Variants in DLC1 observed in about 807,000 individuals in gnomAD.
The protein encoded by DLC1 is DLC1 Rho GTPase activating protein.
DLC1 carries 54 observed loss-of-function variants against 140.3 expected under a neutral mutation model. The ratio of observed to expected loss-of-function variants is 0.38; its 90% CI spans 0.31 to 0.48. DLC1 has a LOEUF of 0.48. Among genes scored for constraint, DLC1 ranks in the 20% least tolerant of loss-of-function variants. The probability of loss-of-function intolerance (pLI) is 0.96; values close to 1 mark genes in which losing one functional copy is unlikely to be tolerated. For synonymous variants in DLC1, 986 were observed against 728.1 expected (o/e 1.35, Z -5.70); for missense variants, 2,536 against 1,907.0 (o/e 1.33, Z -6.14).
chr8:13,192,030 C>T (rs1279565938), intron 5 of DLC1, among the ~76,000 whole-genome samples: 1 of 149,990 alleles, frequency 6.7e-6, no homozygotes, highest in Non-Finnish European at 1.5e-5. Flanking sequence ...CAGCCTCTGC[C>T]TCCCGGGTTC....
chr8:13,403,017 T>C (rs1423957910), intron 2 of DLC1, among the ~76,000 whole-genome samples: 1 of 152,252 alleles, frequency 6.6e-6, no homozygotes, highest in African/African-American at 2.4e-5. Flanking sequence ...GATATGTTAC[T>C]TAAGTAAACC....
At chr8:13,095,552 G>A in intron 10 of DLC1, 1 of 297,828 alleles carries the variant, frequency 3.4e-6, no homozygotes, top group Non-Finnish European at 6.4e-6. Flanking sequence ...GGGTTGACAG[G>A]TCCGTTTCCT....
chr8:13,520,096 C>G (rs1802717653), intron 1 of DLC1, among the ~76,000 whole-genome samples: 2 of 152,138 alleles, frequency 1.3e-5, no homozygotes, highest in Non-Finnish European at 1.5e-5. Flanking sequence ...CTAGAAGTAC[C>G]ATTTGACCCT....
At chr8:13,296,097 A>T (rs1290866492) in intron 5 of DLC1, among the ~76,000 whole-genome samples, 1 of 151,712 alleles carries the variant, frequency 6.6e-6, no homozygotes, top group African/African-American at 2.4e-5. Context: ...CTGGGATCAT[A>T]GGCATGCACC....
intron 5 of DLC1, among the ~76,000 whole-genome samples, chr8:13,136,981 G>A (rs1008517588): frequency 1.3e-5 from 2 of 152,122 alleles, no homozygotes; most frequent in Non-Finnish European, 2.9e-5. Flanking sequence ...GTACATAAGT[G>A]CTTAACACAT....
intron 1 of DLC1, among the ~76,000 whole-genome samples, chr8:13,583,460 T>C (rs1024540259): frequency 1.3e-5 from 2 of 152,170 alleles, no homozygotes; most frequent in Admixed American, 1.3e-4. Context: ...ATTCCACTTA[T>C]AATTCTAGTT....
At chr8:13,122,802 G>GA (rs34886200) in intron 5 of DLC1, among the ~76,000 whole-genome samples, 7,095 of 120,528 alleles carry the variant, frequency 0.059, 388 homozygotes, top group African/African-American at 0.14. Context: ...TGCATAGTCT[G>GA]AAAAAAAAAA....
chr8:13,592,918 G>C (rs1805566180), intron 1 of DLC1, among the ~76,000 whole-genome samples: 1 of 152,086 alleles, frequency 6.6e-6, no homozygotes, highest in South Asian at 2.1e-4. Flanking sequence ...ATCTTACTGA[G>C]TCATGCTCTT....
At chr8:13,429,201 A>G (rs1838748354) in intron 2 of DLC1, among the ~76,000 whole-genome samples, 1 of 152,226 alleles carries the variant, frequency 6.6e-6, no homozygotes, top group South Asian at 2.1e-4. Context: ...TACAGATCAT[A>G]GGTCTTCTCC....
At chr8:13,406,543 A>T (rs1837570654) in intron 2 of DLC1, among the ~76,000 whole-genome samples, 1 of 152,162 alleles carries the variant, frequency 6.6e-6, no homozygotes. Flanking sequence ...AGCCTTTCAA[A>T]TATTTCAAGA....
chr8:13,312,360 CAAAAAAAAAAA>C (rs777597726), intron 4 of DLC1, among the ~76,000 whole-genome samples: 3 of 6,638 alleles, frequency 4.5e-4, no homozygotes, highest in Admixed American at 2.7e-3. Flanking sequence ...GACTCCGTCT[CAAAAAAAAAAA>C]AAAAAAAAAA....
In DLC1 at chr8:13,083,448, G is replaced by A. The variant is rs115549969; in HGVS notation, c.*2363C>T. On this transcript the variant is annotated 3_prime_UTR_variant, in exon 18 of 18. Coordinates refer to ENST00000276297, the MANE Select transcript of DLC1 (RefSeq NM_182643.3). The stretch of plus-strand genomic sequence containing the variant: ...CAGGGGATTATAAAGATGTGTAAGA[G>A]ACAAGCCCTGCCCTCAAAGAGCTTA... 53 of 152,258 alleles carry A rather than the reference G, an allele frequency of 3.5e-4. No individual in the cohort carries two copies. Among genetic ancestry groups the A allele is most frequent in the African/African-American group, 1.2e-3 (48 of 41,548 alleles). The allele number at this position is 152,258 out of a possible 1,614,324, so 9.4% of individuals were successfully genotyped here. A position where few individuals can be genotyped will look rare whatever the true frequency, so the allele number is the denominator to read the frequency against.
chr8:13,519,098 C>T (rs1380690897), upstream of DLC1, among the ~76,000 whole-genome samples: 5 of 151,790 alleles, frequency 3.3e-5, no homozygotes, highest in Non-Finnish European at 7.4e-5. Flanking sequence ...CCCATCAACT[C>T]GTTATTTACA....
intron 1 of DLC1, among the ~76,000 whole-genome samples, chr8:13,532,132 C>G (rs1024872642): frequency 2.0e-5 from 3 of 152,144 alleles, no homozygotes; most frequent in African/African-American, 7.2e-5. Context: ...AGGCCAGGCT[C>G]AGTGGCTCAT....
intron 1 of DLC1, chr8:13,567,326 C>T (rs1585282679): frequency 6.4e-6 from 10 of 1,551,710 alleles, no homozygotes; most frequent in Non-Finnish European, 7.0e-6. Flanking sequence ...ACAGAAATCA[C>T]TCGGGTATCA....
chr8:13,392,255 A>T (rs1836795369), intron 4 of DLC1, among the ~76,000 whole-genome samples: 1 of 152,116 alleles, frequency 6.6e-6, no homozygotes, highest in Non-Finnish European at 1.5e-5. Context: ...CTTTTGCTGG[A>T]ATGTAAGCTG....
At chr8:13,405,969 CT>C (rs1563320896) in intron 2 of DLC1, among the ~76,000 whole-genome samples, 6 of 85,042 alleles carry the variant, frequency 7.1e-5, no homozygotes, top group African/African-American at 2.6e-4. Context: ...TTCTTTCTTT[CT>C]TTCATCTCTC....
chr8:13,438,022 CTTTTT>C (rs11355863), intron 2 of DLC1, among the ~76,000 whole-genome samples: 1 of 142,326 alleles, frequency 7.0e-6, no homozygotes, highest in African/African-American at 2.6e-5. Flanking sequence ...TGATCTACCT[CTTTTT>C]TTTTTTTTTA....
Position 13,099,393 on chromosome 8 carries a change from C to T in DLC1, c.2944G>A (p.Glu982Lys). 6.2e-7 allele frequency: 1 copy of T among 1,614,082 alleles called. No homozygotes were observed. Among genetic ancestry groups the T allele is most frequent in the Non-Finnish European group, 8.5e-7 (1 of 1,180,018 alleles). The change falls in exon 9 of 18, where the codon GAA becomes AAA. Residue 982 changes from glutamate to lysine, a missense_variant. Physicochemically the swap from Glu to Lys is moderately conservative, Grantham distance 56. Coordinates refer to ENST00000276297, the MANE Select transcript of DLC1 (RefSeq NM_182643.3). ...GCCCCAACCCCAGAATCCCTTCTTT[C>T]CGGGATCTCGGAGGGCTCTTCCGGT... ...NEPEEPSEIPERRDSGVGASL... is the reference protein window; with the variant it reads ...NEPEEPSEIPKRRDSGVGASL...
Sources: allele counts gnomAD v4.1 joint callset (sites outside exome capture counted in the v4.1 genomes callset), GRCh38; gene constraint gnomAD v4.1.1; transcripts MANE v1.5; gene names NCBI Gene and HGNC (gene_info 2026-07-23, HGNC 2026-07-21).